LRRC40: variants seen among roughly 807,000 people sequenced by gnomAD.
LRRC40 encodes leucine rich repeat containing 40.
A neutral mutation model predicts 72.8 loss-of-function variants in LRRC40; 76 were observed. That is an observed-to-expected ratio of 1.04 (90% confidence interval 0.87 to 1.26). The LOEUF is 1.26. LRRC40 is among the 50% of genes most tolerant of loss of function. The pLI is 0.00. For synonymous variants in LRRC40, 243 were observed against 254.2 expected (o/e 0.96, Z 0.42); for missense variants, 684 against 698.9 (o/e 0.98, Z 0.24).
chr1:70,179,263 CT>C (rs1383840420), intron 5 of LRRC40, among the ~76,000 whole-genome samples: 2 of 152,088 alleles, frequency 1.3e-5, no homozygotes, highest in Non-Finnish European at 2.9e-5. Flanking sequence ...GGGCGGATCA[CT>C]TGAGTTCTGG....
At chr1:70,146,536 G>C (rs1667300412) in intron 14 of LRRC40, among the ~76,000 whole-genome samples, 1 of 152,042 alleles carries the variant, frequency 6.6e-6, no homozygotes, top group African/African-American at 2.4e-5. Context: ...ACAAATTTAG[G>C]GGGGTAAGAA....
At chr1:70,182,547 C>A (rs758435207) in intron 4 of LRRC40, among the ~76,000 whole-genome samples, 1 of 151,730 alleles carries the variant, frequency 6.6e-6, no homozygotes, top group Non-Finnish European at 1.5e-5. Flanking sequence ...AAACTTAATT[C>A]AGAAATTGTC....
At chr1:70,162,405 A>T (rs1458349158) in intron 9 of LRRC40, among the ~76,000 whole-genome samples, 1 of 152,128 alleles carries the variant, frequency 6.6e-6, no homozygotes, top group African/African-American at 2.4e-5. Flanking sequence ...ACATCACCCT[A>T]ACATGGGAAC....
intron 1 of LRRC40, among the ~76,000 whole-genome samples, chr1:70,201,285 T>C (rs1668732557): frequency 6.6e-6 from 1 of 152,168 alleles, no homozygotes; most frequent in Non-Finnish European, 1.5e-5. Flanking sequence ...ATACTAAAAA[T>C]ACAACATGCA....
At chr1:70,161,274 C>T (rs568536783) in intron 9 of LRRC40, among the ~76,000 whole-genome samples, 4 of 151,488 alleles carry the variant, frequency 2.6e-5, no homozygotes, top group Admixed American at 1.3e-4. Context: ...TTAGTAGAGA[C>T]GGGGTTTCAC....
At chr1:70,202,761 A>G (rs1194189257) in intron 1 of LRRC40, among the ~76,000 whole-genome samples, 1 of 152,234 alleles carries the variant, frequency 6.6e-6, no homozygotes, top group East Asian at 1.9e-4. Context: ...TGTTAATAAC[A>G]GAGGAAACTC....
intron 1 of LRRC40, among the ~76,000 whole-genome samples, chr1:70,203,507 T>A (rs562988607): frequency 6.6e-6 from 1 of 152,176 alleles, no homozygotes; most frequent in South Asian, 2.1e-4. Flanking sequence ...TGGACTCAAG[T>A]GATCCTCCTG....
chr1:70,164,412 G>C (rs1418451991), intron 9 of LRRC40, among the ~76,000 whole-genome samples: 2 of 151,966 alleles, frequency 1.3e-5, no homozygotes, highest in Non-Finnish European at 2.9e-5. Context: ...GAAAAAAAGA[G>C]TGCCAATCCT....
chr1:70,167,724 C>T (rs926027545), intron 9 of LRRC40, among the ~76,000 whole-genome samples: 3 of 152,024 alleles, frequency 2.0e-5, no homozygotes, highest in Admixed American at 1.3e-4. Context: ...TAGTGATTCT[C>T]CTGTCTCAGC....
At chr1:70,146,291 C>T (rs992101168) in intron 14 of LRRC40, among the ~76,000 whole-genome samples, 1 of 152,190 alleles carries the variant, frequency 6.6e-6, no homozygotes, top group Non-Finnish European at 1.5e-5. Context: ...TCCCAAAGTA[C>T]TGGGATTACA....
chr1:70,181,536 A>C (rs971557382), intron 4 of LRRC40, among the ~76,000 whole-genome samples: 1 of 152,084 alleles, frequency 6.6e-6, no homozygotes, highest in African/African-American at 2.4e-5. Flanking sequence ...CAATGCAAAA[A>C]TTCATGTATT....
Position 70,145,551 on chromosome 1 carries a change from A to T in LRRC40, c.*249T>A, listed in dbSNP as rs1667264085. 1 of 272,528 alleles carries T rather than the reference A, an allele frequency of 3.7e-6. No individual in the cohort carries two copies. The highest frequency in any genetic ancestry group is 6.8e-6 in the Non-Finnish European group (1 of 147,306). 16.9% of individuals were successfully genotyped at this position (272,528 alleles called of 1,614,324 possible). Reference sequence around the variant, plus strand: ...GCAAAACATTTAGAACAAATGTATGAACACATTGTGGTTATCACCATTACA... The same window carrying T: ...GCAAAACATTTAGAACAAATGTATGTACACATTGTGGTTATCACCATTACA... On this transcript the variant is annotated 3_prime_UTR_variant, in exon 15 of 15. Coordinates refer to ENST00000370952, the MANE Select transcript of LRRC40 (RefSeq NM_017768.5).
intron 13 of LRRC40, among the ~76,000 whole-genome samples, chr1:70,148,958 T>C (rs1667391511): frequency 6.6e-6 from 1 of 152,216 alleles, no homozygotes; most frequent in Non-Finnish European, 1.5e-5. Flanking sequence ...TCTGTTCACA[T>C]TCAAGAGGAA....
intron 1 of LRRC40, among the ~76,000 whole-genome samples, chr1:70,189,951 T>G (rs1175110521): frequency 6.6e-6 from 1 of 152,232 alleles, no homozygotes; most frequent in Non-Finnish European, 1.5e-5. Context: ...TGGTAGCTAC[T>G]CTTTATTTTA....
At chr1:70,188,012 CTGA>C in intron 2 of LRRC40, among the ~76,000 whole-genome samples, 1 of 152,216 alleles carries the variant, frequency 6.6e-6, no homozygotes, top group Non-Finnish European at 1.5e-5. Flanking sequence ...AAACAGCTCT[CTGA>C]TGATATGATT....
chr1:70,184,484 T>C (rs531624967), intron 4 of LRRC40, among the ~76,000 whole-genome samples: 4 of 152,068 alleles, frequency 2.6e-5, no homozygotes, highest in Admixed American at 6.5e-5. Flanking sequence ...AATTGGTATA[T>C]GCTAAAGACA....
At chr1:70,181,586 A>G (rs2100309289) in intron 4 of LRRC40, among the ~76,000 whole-genome samples, 1 of 152,178 alleles carries the variant, frequency 6.6e-6, no homozygotes, top group Middle Eastern at 3.4e-3. Flanking sequence ...AATTAGGCAT[A>G]TTATTAATAA....
At chr1:70,160,313 A>G (rs1158834885) in intron 9 of LRRC40, among the ~76,000 whole-genome samples, 2 of 152,204 alleles carry the variant, frequency 1.3e-5, no homozygotes, top group East Asian at 3.8e-4. Flanking sequence ...TTTGTTGAAT[A>G]TTACTAAGTA....
Position 70,145,848 on chromosome 1 carries a change from T to C in LRRC40, c.1761A>G (p.Lys587=), listed in dbSNP as rs1237460717. ...AATATTCAAGTATAGCAGCTGTTCC[T>C]TTCATTAATATGGCTGCTCGAGGAA... ...FRVPRAAILM[K]GTAAILEYLR... is the part of the protein sequence containing the mutation. The change falls in exon 15 of 15, where the codon AAA becomes AAG. Residue 587 remains lysine, a synonymous_variant. Coordinates refer to ENST00000370952, the MANE Select transcript of LRRC40 (RefSeq NM_017768.5). 1 of 1,610,982 alleles carries C rather than the reference T, an allele frequency of 6.2e-7. No individual in the cohort carries two copies. The highest frequency in any genetic ancestry group is 8.5e-7 in the Non-Finnish European group (1 of 1,177,672).
Sources: gnomAD v4.1 joint callset for allele counts (sites outside exome capture counted in the v4.1 genomes callset) on GRCh38, gnomAD v4.1.1 for gene constraint, MANE v1.5 for transcripts, NCBI Gene and HGNC (gene_info 2026-07-23, HGNC 2026-07-21) for gene names.